The following FRMPD4 variants were observed in gnomAD, a reference collection of about 807,000 sequenced individuals.
The protein encoded by FRMPD4 is FERM and PDZ domain-containing protein 4.
A neutral mutation model predicts 94.1 loss-of-function variants in FRMPD4; 22 were observed. The ratio of observed to expected loss-of-function variants is 0.23; its 90% confidence interval spans 0.17 to 0.33. The LOEUF (loss-of-function observed/expected upper bound fraction) is 0.33, where lower values mean the gene tolerates loss of function less well. FRMPD4 is among the 10% of genes least tolerant of loss of function. The probability of loss-of-function intolerance (pLI) is 1.00; values close to 1 mark genes in which losing one functional copy is unlikely to be tolerated. For synonymous variants in FRMPD4, 631 were observed against 548.6 expected (o/e 1.15, Z -2.10); for missense variants, 1,111 against 1,339.9 (o/e 0.83, Z 2.67).
chrX:12,480,206 G>A (rs1469445989), intron 1 of FRMPD4, among the ~76,000 whole-genome samples: 1 of 110,063 alleles, frequency 9.1e-6, no homozygotes, highest in African/African-American at 3.3e-5. Context: ...TCAGAGGAAG[G>A]CTGGTGGTGG....
intron 7 of FRMPD4, 119 bp from the exon 8 acceptor site, chrX:12,690,076 C>G: frequency 2.0e-6 from 1 of 491,886 alleles, no homozygotes; most frequent in Non-Finnish European, 3.3e-6. Context: ...TCAGAATCAA[C>G]CAAACGTATA....
intron 1 of FRMPD4, among the ~76,000 whole-genome samples, chrX:12,497,815 G>A (rs1327404143): frequency 9.0e-6 from 1 of 111,001 alleles, no homozygotes; most frequent in Non-Finnish European, 1.9e-5. Flanking sequence ...GGGGAGGGAT[G>A]AGTTGCCCAG....
rs777311532 is a variant in FRMPD4, at chrX:12,556,242, A to G, written c.159-53479A>G. Among the ~76,000 whole-genome samples the G allele has an allele frequency of 3.6e-5, 4 of 110,944 alleles. No individual in the cohort carries two copies. In the South Asian group the frequency reaches 1.6e-3, roughly 43 times the overall value. On this transcript the variant is annotated intron_variant, in intron 2 of 16. Coordinates refer to ENST00000675598, the MANE Select transcript of FRMPD4 (RefSeq NM_001368397.1). Reference sequence around the variant, plus strand: ...CTATGATTATGTTACTTAGCATGGCAAAGGTGGAAAAATTGTGAGATGTAA... The same window carrying G: ...CTATGATTATGTTACTTAGCATGGCGAAGGTGGAAAAATTGTGAGATGTAA...
intron 1 of FRMPD4, among the ~76,000 whole-genome samples, chrX:12,435,203 A>C (rs2407846): frequency 0.43 from 47,005 of 110,144 alleles, 8,807 homozygotes; most frequent in African/African-American, 0.72. Flanking sequence ...ACGTACTCTA[A>C]CTGGTTAAAA....
At chrX:11,860,320 G>A (rs1370601099) in intron 1 of FRMPD4, among the ~76,000 whole-genome samples, 1 of 112,023 alleles carries the variant, frequency 8.9e-6, no homozygotes, top group Non-Finnish European at 1.9e-5. Flanking sequence ...CGAACTGCCT[G>A]ATTGAGGATC....
intron 1 of FRMPD4, among the ~76,000 whole-genome samples, chrX:12,179,497 G>T (rs1011785706): frequency 3.6e-5 from 4 of 111,829 alleles, no homozygotes; most frequent in East Asian, 2.8e-4. Context: ...AGTTATCAAC[G>T]TATAGATTAA....
intron 4 of FRMPD4, among the ~76,000 whole-genome samples, chrX:12,646,585 G>C (rs2059549655): frequency 9.0e-6 from 1 of 111,465 alleles, no homozygotes; most frequent in South Asian, 3.8e-4. Flanking sequence ...TCTGAGATTT[G>C]AGGTGCCATT....
intron 1 of FRMPD4, among the ~76,000 whole-genome samples, chrX:11,826,411 G>A (rs1396862816): frequency 9.0e-6 from 1 of 111,424 alleles, no homozygotes; most frequent in East Asian, 2.8e-4. Context: ...GAGCTCATTC[G>A]CTCTGCCCTA....
intron 4 of FRMPD4, among the ~76,000 whole-genome samples, chrX:12,625,237 CA>C (rs2059334623): frequency 9.0e-6 from 1 of 110,803 alleles, no homozygotes; most frequent in African/African-American, 3.3e-5. Flanking sequence ...GGAGGTTCCT[CA>C]AAAAACTAAA....
At chrX:12,343,889 G>A (rs750699022) in intron 1 of FRMPD4, among the ~76,000 whole-genome samples, 2 of 112,057 alleles carry the variant, frequency 1.8e-5, no homozygotes, top group Non-Finnish European at 3.8e-5. Flanking sequence ...CCGTATTTAT[G>A]TCCCAAAGTC....
At chrX:12,096,308 A>G (rs185795245) in intron 3 of FRMPD4, among the ~76,000 whole-genome samples, 198 of 112,696 alleles carry the variant, frequency 1.8e-3, no homozygotes, top group African/African-American at 5.8e-3. Flanking sequence ...CTTCTTTTAA[A>G]TCAGTGATTG....
At chrX:11,849,716 G>T (rs2053609063) in intron 1 of FRMPD4, among the ~76,000 whole-genome samples, 1 of 106,997 alleles carries the variant, frequency 9.3e-6, no homozygotes, top group Non-Finnish European at 1.9e-5. Context: ...ATAAAAAAGA[G>T]ATATCCACAT....
At position 11,876,021 on chromosome X, in the gene FRMPD4, A is replaced by G. The variant is rs377527827; in HGVS notation, c.-29-1874A>G. Among the ~76,000 whole-genome samples, 713 of 108,397 alleles carry G rather than the reference A, an allele frequency of 6.6e-3. 15 individuals carry two copies. The highest frequency in any genetic ancestry group is 0.023 in the African/African-American group (682 of 29,218). The allele number at this position is 108,397 out of a possible 115,157, so 94.1% of individuals were successfully genotyped here. On this transcript the variant is annotated intron_variant, in intron 2 of 18. Coordinates refer to the FRMPD4 transcript ENST00000640291. ...CTCCGGAGTAGCTGGGACTACAGGC[A>G]CCCACCACCATGCCCGGCTAATTTT...
Position 11,827,070 on chromosome X carries a change from A to ATATATATATG in FRMPD4, c.-161+4364_-161+4365insGTATATATAT, listed in dbSNP as rs1372581029. ...TTTTATTTAGATGGAAATTATATATATATATATATATATATAAAATATATA... is the reference window on the plus strand; with the variant it reads ...TTTTATTTAGATGGAAATTATATATATATATATATGTATATATATATATATAAAATATATA... On this transcript the variant is annotated intron_variant, in intron 1 of 18. Coordinates refer to the FRMPD4 transcript ENST00000640291. Among the ~76,000 whole-genome samples, 72 of 97,883 alleles carry ATATATATATG rather than the reference A, an allele frequency of 7.4e-4. 3 individuals carry two copies. In the East Asian group the frequency reaches 0.019, roughly 25 times the overall value. 85.0% of individuals were successfully genotyped at this position (97,883 alleles called of 115,157 possible).
intron 1 of FRMPD4, among the ~76,000 whole-genome samples, chrX:12,317,604 C>CAAAAAAAAAAAAAAAAAAAA (rs879024487): frequency 1.5e-5 from 1 of 64,999 alleles, no homozygotes; most frequent in African/African-American, 7.0e-5. Flanking sequence ...AAAAAAAAAA[C>CAAAAAAAAAAAAAAAAAAAA]AAAAAAAACA....
intron 2 of FRMPD4, among the ~76,000 whole-genome samples, chrX:12,534,074 G>A (rs1015663465): frequency 1.8e-5 from 2 of 112,787 alleles, no homozygotes; most frequent in African/African-American, 6.4e-5. Context: ...CCCGTGCTGT[G>A]TGCAGCCTAG....
At position 12,410,356 on chromosome X, in the gene FRMPD4, G is replaced by GT. The variant is rs1404280777; in HGVS notation, c.42-88318dup. On this transcript the variant is annotated intron_variant, in intron 1 of 16. Transcript: ENST00000675598. ...TTTTGTGCTATATGTTTCATTGTGT[G>GT]TTTTTTCTGAGCCTGGGGATGTTAA... Among the ~76,000 whole-genome samples the GT allele has an allele frequency of 1.1e-4, 12 of 111,514 alleles. No individual in the cohort carries two copies. The South Asian group carries it at 3.8e-3, about 35-fold the overall frequency.
chrX:12,021,751 CAGA>C (rs974849183), intron 3 of FRMPD4, among the ~76,000 whole-genome samples: 3 of 111,764 alleles, frequency 2.7e-5, no homozygotes, highest in African/African-American at 9.8e-5. Context: ...GATCACTAGT[CAGA>C]AGAAGTCCCG....
At chrX:12,700,912 G>A (rs2060182115) in intron 9 of FRMPD4, among the ~76,000 whole-genome samples, 1 of 110,405 alleles carries the variant, frequency 9.1e-6, no homozygotes, top group Non-Finnish European at 1.9e-5. Context: ...AAGCCACTGT[G>A]CTCACTCACC....
Sources: gnomAD v4.1 joint callset for allele counts (sites outside exome capture counted in the v4.1 genomes callset) on GRCh38, gnomAD v4.1.1 for gene constraint, MANE v1.5 for transcripts, NCBI Gene and HGNC (gene_info 2026-07-23, HGNC 2026-07-21) for gene names.